The following CNTNAP2 variants were observed in gnomAD, a reference collection of about 807,000 sequenced individuals.
CNTNAP2 encodes the protein contactin associated protein 2, also known as contactin-associated protein-like 2.
Under a neutral mutation model 155.2 loss-of-function variants are expected in CNTNAP2, and 98 were observed. The observed-to-expected ratio is 0.63, with a 90% CI of 0.54 to 0.75. The LOEUF is 0.75. CNTNAP2 is among the 30% of genes least tolerant of loss of function. CNTNAP2 has a pLI of 0.00. For missense variants in CNTNAP2, 1,727 were observed against 1,688.1 expected (o/e 1.02, Z -0.40); for synonymous variants, 651 against 631.2 (o/e 1.03, Z -0.47).
chr7:147,925,501 C>G (rs183946057), intron 14 of CNTNAP2, among the ~76,000 whole-genome samples: 11 of 152,076 alleles, frequency 7.2e-5, no homozygotes, highest in African/African-American at 2.7e-4. Context: ...GAGTCTCGCT[C>G]TGTCGCCCAG....
At chr7:146,575,464 A>G (rs1254813014) in intron 1 of CNTNAP2, among the ~76,000 whole-genome samples, 1 of 152,176 alleles carries the variant, frequency 6.6e-6, no homozygotes, top group Non-Finnish European at 1.5e-5. Context: ...ATTTACTTGT[A>G]ATTAATTGTA....
At chr7:148,059,467 T>C (rs186388413) in intron 15 of CNTNAP2, among the ~76,000 whole-genome samples, 1 of 151,750 alleles carries the variant, frequency 6.6e-6, no homozygotes, top group African/African-American at 2.4e-5. Context: ...GGTGCATGCC[T>C]GTAATCCCAG....
chr7:147,254,715 T>C (rs1804283103), intron 8 of CNTNAP2, among the ~76,000 whole-genome samples: 1 of 152,202 alleles, frequency 6.6e-6, no homozygotes, highest in Admixed American at 6.5e-5. Context: ...TTAAGCTCAT[T>C]CAAAACATAC....
intron 3 of CNTNAP2, among the ~76,000 whole-genome samples, chr7:146,864,969 G>A (rs1795173755): frequency 8.2e-6 from 1 of 122,366 alleles, no homozygotes; most frequent in Non-Finnish European, 1.6e-5. Flanking sequence ...CCACACTCCA[G>A]TCTGAGTGAC....
rs776023542 is a variant in CNTNAP2 at position 146,660,394 on chromosome 7, A to C, written c.98-113877A>C. 3.4e-4 allele frequency among the ~76,000 whole-genome samples: 52 copies of C among 152,338 alleles called. No individual in the cohort carries two copies. In the South Asian group the frequency reaches 0.011, roughly 31 times the overall value. The stretch of plus-strand genomic sequence containing the variant: ...GCAAAGTCAGAAAGACCTGAGTTCA[A>C]ATCTTCACTATGTTGGTCATTAACT... On this transcript the variant is annotated intron_variant, in intron 1 of 23. Transcript: ENST00000361727.
At chr7:146,606,428 C>A (rs957584426) in intron 1 of CNTNAP2, among the ~76,000 whole-genome samples, 1 of 152,052 alleles carries the variant, frequency 6.6e-6, no homozygotes, top group Non-Finnish European at 1.5e-5. Context: ...CCAAGAGTGA[C>A]CCTTTCAAAT....
intron 15 of CNTNAP2, among the ~76,000 whole-genome samples, chr7:148,088,069 A>G (rs1196243712): frequency 6.6e-6 from 1 of 152,090 alleles, no homozygotes; most frequent in Non-Finnish European, 1.5e-5. Context: ...CAAACCATGT[A>G]TACTTTCACA....
At chr7:146,883,224 G>T (rs1795589232) in intron 3 of CNTNAP2, among the ~76,000 whole-genome samples, 1 of 152,018 alleles carries the variant, frequency 6.6e-6, no homozygotes, top group Admixed American at 6.6e-5. Flanking sequence ...TTTCAAAACT[G>T]AAATACAGCA....
rs1479573248 is a variant in CNTNAP2, at chr7:146,117,268, T to G, written c.97+295T>G. ...GATGTAGATGGCAGCTTCTTAGGAG[T>G]TGTTTGTGCAGGGAGAGTTAACTGC... On this transcript the variant is annotated intron_variant, in intron 1 of 23. Coordinates refer to ENST00000361727, the MANE Select transcript of CNTNAP2 (RefSeq NM_014141.6). 5.7e-5 allele frequency: 23 copies of G among 406,204 alleles called. No homozygotes were observed. In the Admixed American group the frequency reaches 8.4e-4, roughly 15 times the overall value. 25.2% of individuals were successfully genotyped at this position (406,204 alleles called of 1,614,324 possible). A position where few individuals can be genotyped will look rare whatever the true frequency, so the allele number is the denominator to read the frequency against.
At chr7:146,201,027 G>A (rs1292930056) in intron 1 of CNTNAP2, among the ~76,000 whole-genome samples, 14 of 152,134 alleles carry the variant, frequency 9.2e-5, no homozygotes, top group African/African-American at 3.4e-4. Context: ...CAAAAGGGAT[G>A]TCTTGGGTTG....
intron 10 of CNTNAP2, among the ~76,000 whole-genome samples, chr7:147,481,898 T>TA (rs1798428679): frequency 2.0e-5 from 3 of 152,206 alleles, no homozygotes; most frequent in Admixed American, 6.5e-5. Flanking sequence ...TTGTGGCTAC[T>TA]AAAAAAATTA....
chr7:146,549,129 T>C lies in CNTNAP2; in HGVS notation c.98-225142T>C, dbSNP rs533663242. On this transcript the variant is annotated intron_variant, in intron 1 of 23. Coordinates refer to ENST00000361727, the MANE Select transcript of CNTNAP2 (RefSeq NM_014141.6). ...TGTTAAAGAGACTATCTTTACCCAA[T>C]TTCCTATCTTTGGTATCAAGCCATT... Among the ~76,000 whole-genome samples the C allele has an allele frequency of 6.6e-5, 10 of 151,882 alleles. No individual in the cohort carries two copies. In the East Asian group the frequency reaches 1.7e-3, roughly 27 times the overall value.
intron 9 of CNTNAP2, among the ~76,000 whole-genome samples, chr7:147,338,321 A>G (rs1332264839): frequency 6.9e-6 from 1 of 145,058 alleles, no homozygotes; most frequent in African/African-American, 2.6e-5. Flanking sequence ...TAAAAACTTG[A>G]AATTTTTAGC....
At chr7:146,829,480 T>C (rs1474181742) in intron 2 of CNTNAP2, among the ~76,000 whole-genome samples, 1 of 152,154 alleles carries the variant, frequency 6.6e-6, no homozygotes, top group African/African-American at 2.4e-5. Context: ...TATTATTTGG[T>C]TAAATTCCAG....
intron 1 of CNTNAP2, among the ~76,000 whole-genome samples, chr7:146,736,236 G>T (rs1435452022): frequency 6.6e-6 from 1 of 152,168 alleles, no homozygotes; most frequent in African/African-American, 2.4e-5. Flanking sequence ...GTTTCATATG[G>T]AGCAGGGTCC....
chr7:146,903,263 A>T (rs534244804), intron 3 of CNTNAP2, among the ~76,000 whole-genome samples: 25 of 152,148 alleles, frequency 1.6e-4, no homozygotes, highest in African/African-American at 6.0e-4. Flanking sequence ...CTTGAGAATC[A>T]TTTTCTTATG....
chr7:146,224,642 G>T (rs570316304), intron 1 of CNTNAP2, among the ~76,000 whole-genome samples: 1 of 151,850 alleles, frequency 6.6e-6, no homozygotes. Context: ...GGTGGTGGGC[G>T]CCTGTAGTCC....
At chr7:146,273,732 C>G (rs1347173189) in intron 1 of CNTNAP2, among the ~76,000 whole-genome samples, 1 of 152,062 alleles carries the variant, frequency 6.6e-6, no homozygotes, top group Non-Finnish European at 1.5e-5. Context: ...GAAAGAACAC[C>G]TATTCTGCGG....
intron 1 of CNTNAP2, among the ~76,000 whole-genome samples, chr7:146,355,715 C>A (rs1040870057): frequency 1.3e-5 from 2 of 152,188 alleles, no homozygotes; most frequent in East Asian, 1.9e-4. Flanking sequence ...TGTGAAATAT[C>A]ATTTCATTTT....
Sources: allele counts gnomAD v4.1 joint callset (sites outside exome capture counted in the v4.1 genomes callset), GRCh38; gene constraint gnomAD v4.1.1; transcripts MANE v1.5; gene names NCBI Gene and HGNC (gene_info 2026-07-23, HGNC 2026-07-21).